The following SART3 variants were observed in gnomAD, a reference collection of about 807,000 sequenced individuals.
The protein encoded by SART3 is spliceosome associated factor 3, U4/U6 recycling protein, also known as HIV-1 Tat-interacting protein of 110kDa.
A neutral mutation model predicts 122.3 loss-of-function variants in SART3; 44 were observed. The observed-to-expected ratio is 0.36, with a 90% confidence interval of 0.28 to 0.46. The LOEUF (loss-of-function observed/expected upper bound fraction) is 0.46, where lower values mean the gene tolerates loss of function less well. Ranked by LOEUF, SART3 falls within the 20% of genes least tolerant of loss-of-function variation. The pLI is 1.00. For synonymous variants in SART3, 442 were observed against 454.0 expected (o/e 0.97, Z 0.34); for missense variants, 1,101 against 1,229.0 (o/e 0.90, Z 1.56).
intron 18 of SART3, 96 bp downstream of exon 18, chr12:108,524,220 C>G (rs1300428801): frequency 3.7e-6 from 4 of 1,079,206 alleles, no homozygotes; most frequent in South Asian, 2.5e-5. Context: ...TCTGTCCTAA[C>G]AGGAAGCTAA....
intron 15 of SART3, among the ~76,000 whole-genome samples, chr12:108,529,109 C>T (rs933360713): frequency 2.0e-5 from 3 of 151,948 alleles, no homozygotes; most frequent in African/African-American, 4.8e-5. Context: ...GGCAACAAAG[C>T]GAGACTCTGT....
chr12:108,537,121 T>C, intron 9 of SART3: 1 of 431,170 alleles, frequency 2.3e-6, no homozygotes, highest in Non-Finnish European at 4.3e-6. Flanking sequence ...AAGTTAGGGG[T>C]TTTCTGGTTG....
At chr12:108,526,643 C>G in intron 15 of SART3, 90 bp from the exon 16 acceptor site, 1 of 1,365,940 alleles carries the variant, frequency 7.3e-7, no homozygotes, top group Non-Finnish European at 1.0e-6. Flanking sequence ...AGTGCTGTGA[C>G]AGCTGCATGT....
chr12:108,525,377 G>C (rs984078398), intron 17 of SART3, 80 bp downstream of exon 17: 1 of 1,501,464 alleles, frequency 6.7e-7, no homozygotes, highest in African/African-American at 1.4e-5. Flanking sequence ...CATTCTAGAG[G>C]TTAAATCATC....
intron 6 of SART3, among the ~76,000 whole-genome samples, chr12:108,540,011 A>G (rs764936405): frequency 6.6e-6 from 1 of 152,258 alleles, no homozygotes; most frequent in Non-Finnish European, 1.5e-5. Flanking sequence ...CTTGACGTAT[A>G]TTAAGAATCT....
Position 108,547,959 on chromosome 12 carries a change from T to C in SART3, c.472A>G (p.Ser158Gly). 1 of 1,613,696 alleles carries C rather than the reference T, an allele frequency of 6.2e-7. No homozygotes were observed. The change falls in exon 3 of 19, where the codon AGC (serine) becomes GGC (glycine). Residue 158 changes from serine (S) to glycine (G), a missense_variant. Coordinates refer to ENST00000546815, the MANE Select transcript of SART3 (RefSeq NM_014706.4). Reference protein sequence around the residue: ...LWLEWLHDEISMAQDGLDREH... With the variant: ...LWLEWLHDEIGMAQDGLDREH... ...CTGTCCAGGCCATCCTGGGCCATGCTGATCTCGTCATGCAGCCACTCCAGC... is the reference window on the plus strand; with the variant it reads ...CTGTCCAGGCCATCCTGGGCCATGCCGATCTCGTCATGCAGCCACTCCAGC...
chr12:108,532,289 G>T lies in SART3; in HGVS notation c.1602C>A (p.Ala534=). 1 of 1,614,138 alleles carries T rather than the reference G, an allele frequency of 6.2e-7. No individual in the cohort carries two copies. Among genetic ancestry groups the T allele is most frequent in the East Asian group, 2.2e-5 (1 of 44,886 alleles). ...TQHCRKALHR[A]VQCTSDYPEH... is the part of the protein sequence containing the mutation. Reference sequence around the variant, plus strand: ...CTGGGTAGTCACTGGTGCACTGGACGGCCCGGTGCAGAGCCTTCCGGCAGT... The same window carrying T: ...CTGGGTAGTCACTGGTGCACTGGACTGCCCGGTGCAGAGCCTTCCGGCAGT... The change falls in exon 13 of 19, where the codon GCC becomes GCA. Residue 534 remains alanine, a synonymous_variant. Coordinates refer to ENST00000546815, the MANE Select transcript of SART3 (RefSeq NM_014706.4).
In SART3 at chr12:108,559,032, CAAAAAAGAAAAAA is replaced by C. The variant is rs1415539243; in HGVS notation, c.312+1798_312+1810del. Among the ~76,000 whole-genome samples the C allele has an allele frequency of 9.7e-3, 106 of 10,890 alleles. 1 individual carries two copies. The highest frequency in any genetic ancestry group is 0.025 in the African/African-American group (104 of 4,112). 7.1% of individuals were successfully genotyped at this position (10,890 alleles called of 152,430 possible). A position where few individuals can be genotyped will look rare whatever the true frequency, so the allele number is the denominator to read the frequency against. ...TGGGCCACAGAGCAAGACTCCGTCT[CAAAAAAGAAAAAA>C]AAAAAAAAAAAAAAAAGTAGAAATG... On this transcript the variant is annotated intron_variant, in intron 1 of 18. Coordinates refer to ENST00000546815, the MANE Select transcript of SART3 (RefSeq NM_014706.4).
intron 12 of SART3, among the ~76,000 whole-genome samples, chr12:108,534,364 T>C (rs1216788703): frequency 6.6e-6 from 1 of 152,080 alleles, no homozygotes; most frequent in Non-Finnish European, 1.5e-5. Context: ...TTAACAGTGG[T>C]TATCTCTGGG....
intron 6 of SART3, 95 bp from the exon 7 acceptor site, chr12:108,539,184 A>G: frequency 7.7e-7 from 1 of 1,299,710 alleles, no homozygotes; most frequent in Non-Finnish European, 1.1e-6. Context: ...GGCTACAGTA[A>G]CTATGAATCG....
At position 108,560,654 on chromosome 12, in the gene SART3, AT is replaced by A. The variant is rs1158134993; in HGVS notation, c.312+188del. ...TTCACAGGGTCGTGGCGAGGATTCA[AT>A]GAGATAACGTTTGCAAGGCAATGGG... On this transcript the variant is annotated intron_variant, in intron 1 of 18. Coordinates refer to ENST00000546815, the MANE Select transcript of SART3 (RefSeq NM_014706.4). 4 of 548,626 alleles carry A rather than the reference AT, an allele frequency of 7.3e-6. No individual in the cohort carries two copies. The African/African-American group carries it at 7.6e-5, about 10-fold the overall frequency. 34.0% of individuals were successfully genotyped at this position (548,626 alleles called of 1,614,324 possible). A position where few individuals can be genotyped will look rare whatever the true frequency, so the allele number is the denominator to read the frequency against.
chr12:108,542,308 G>A (rs1041647262), intron 6 of SART3, among the ~76,000 whole-genome samples: 2 of 152,172 alleles, frequency 1.3e-5, no homozygotes, highest in African/African-American at 2.4e-5. Context: ...CACAAGCAAC[G>A]AGAACTCTCA....
chr12:108,559,059 AAAG>A (rs1265352373), intron 1 of SART3, among the ~76,000 whole-genome samples: 140 of 150,808 alleles, frequency 9.3e-4, no homozygotes, highest in Non-Finnish European at 1.8e-3. Context: ...AAAAAAAAAA[AAAG>A]TAGAAATGCT....
chr12:108,534,819 C>T (rs899785621), intron 12 of SART3, among the ~76,000 whole-genome samples: 1 of 152,206 alleles, frequency 6.6e-6, no homozygotes, highest in East Asian at 1.9e-4. Context: ...CAATGAACAA[C>T]GTTCAAGACA....
At chr12:108,524,623 C>T (rs1287161635) in intron 17 of SART3, 117 bp from the exon 18 acceptor site, 3 of 869,712 alleles carry the variant, frequency 3.4e-6, no homozygotes, top group South Asian at 2.8e-5. Context: ...CCACAGCAAA[C>T]GACCCACCAA....
intron 9 of SART3, 96 bp from the exon 10 acceptor site, chr12:108,536,881 G>T: frequency 9.3e-7 from 1 of 1,071,590 alleles, no homozygotes; most frequent in Non-Finnish European, 1.4e-6. Context: ...GACCCACTAT[G>T]TACCTGGCAT....
chr12:108,525,590 G>A lies in SART3; in HGVS notation c.2390C>T (p.Ser797Phe), dbSNP rs971950871. Residue 797 changes from serine to phenylalanine, a missense_variant, in exon 17 of 19, where the codon TCC becomes TTC. Physicochemically the swap from Ser to Phe is radical, Grantham distance 155. Around this residue, in one of 2 missense-constraint regions of SART3, gnomAD observed 885 missense variants for 1,080.1 expected, o/e 0.82. Transcript: ENST00000546815. The part of the protein sequence containing the change: ...PDFKVFRYST[S>F]LEKHKLFISG... ...GATGAACAGCTTGTGTTTCTCTAGG[G>A]AAGTGCTGTACCTGAACACCTATAG... 19 of 1,614,000 alleles carry A rather than the reference G, an allele frequency of 1.2e-5. No homozygotes were observed. The highest frequency in any genetic ancestry group is 1.6e-5 in the Non-Finnish European group (19 of 1,180,000).
intron 7 of SART3, 111 bp from the exon 8 acceptor site, chr12:108,538,314 C>T (rs1873005391): frequency 7.8e-7 from 1 of 1,274,394 alleles, no homozygotes; most frequent in East Asian, 2.4e-5. Context: ...ATAAACATCT[C>T]TTGTGACCTG....
At chr12:108,549,890 A>T (rs2029930682) in intron 1 of SART3, among the ~76,000 whole-genome samples, 1 of 151,600 alleles carries the variant, frequency 6.6e-6, no homozygotes, top group Non-Finnish European at 1.5e-5. Context: ...GGTGGCATGC[A>T]CCTGTGGTCC....
Sources: gnomAD v4.1 joint callset for allele counts (sites outside exome capture counted in the v4.1 genomes callset) on GRCh38, gnomAD v4.1.1 for gene constraint, gnomAD v4.1.1 regional missense constraint, MANE v1.5 for transcripts, NCBI Gene and HGNC (gene_info 2026-07-23, HGNC 2026-07-21) for gene names.